PTPRD: variants seen among roughly 807,000 people sequenced by gnomAD.
The protein encoded by PTPRD is receptor-type tyrosine-protein phosphatase delta.
PTPRD carries 34 observed loss-of-function variants against 214.5 expected under a neutral mutation model. The observed-to-expected ratio is 0.16, with a 90% CI of 0.12 to 0.21. The LOEUF (loss-of-function observed/expected upper bound fraction) is 0.21. Among genes scored for constraint, PTPRD ranks in the 10% least tolerant of loss-of-function variants. The probability of loss-of-function intolerance (pLI) is 1.00; values close to 1 mark genes in which losing one functional copy is unlikely to be tolerated. For synonymous variants in PTPRD, 1,128 were observed against 845.7 expected (o/e 1.33, Z -5.79); for missense variants, 2,545 against 2,398.7 (o/e 1.06, Z -1.27).
At chr9:10,157,529 G>T (rs1383970912) in intron 3 of PTPRD, among the ~76,000 whole-genome samples, 3 of 152,094 alleles carry the variant, frequency 2.0e-5, no homozygotes, top group African/African-American at 7.2e-5. Context: ...TCCCTTTGTA[G>T]GTAACTGGAC....
At chr9:9,577,130 G>T (rs556942159) in intron 7 of PTPRD, among the ~76,000 whole-genome samples, 1 of 152,074 alleles carries the variant, frequency 6.6e-6, no homozygotes, top group Admixed American at 6.6e-5. Flanking sequence ...TTGACTAGTT[G>T]GTCTTCCAAG....
intron 8 of PTPRD, among the ~76,000 whole-genome samples, chr9:9,521,345 G>A (rs1027266972): frequency 6.6e-5 from 10 of 152,054 alleles, no homozygotes; most frequent in African/African-American, 2.4e-4. Context: ...CTGCTACTTA[G>A]TAAACACTTA....
At chr9:9,607,197 T>TG (rs1023791222) in intron 7 of PTPRD, among the ~76,000 whole-genome samples, 21 of 152,030 alleles carry the variant, frequency 1.4e-4, no homozygotes, top group Non-Finnish European at 2.9e-4. Flanking sequence ...AACATAATTT[T>TG]GATGACTTAG....
intron 9 of PTPRD, among the ~76,000 whole-genome samples, chr9:9,383,638 C>T (rs2062979957): frequency 6.6e-6 from 1 of 152,174 alleles, no homozygotes; most frequent in South Asian, 2.1e-4. Context: ...TATATCTATG[C>T]TTACATTTAT....
intron 8 of PTPRD, among the ~76,000 whole-genome samples, chr9:9,497,249 T>C (rs190600776): frequency 6.6e-6 from 1 of 152,324 alleles, no homozygotes; most frequent in African/African-American, 2.4e-5. Flanking sequence ...ATAGTAACTT[T>C]TATGTCACGT....
At chr9:9,135,190 A>C (rs1296606983) in intron 10 of PTPRD, among the ~76,000 whole-genome samples, 2 of 152,156 alleles carry the variant, frequency 1.3e-5, no homozygotes, top group Non-Finnish European at 2.9e-5. Flanking sequence ...CTGAGAGAGG[A>C]CTCATGTCTT....
chr9:8,981,136 T>C (rs921761708), intron 11 of PTPRD, among the ~76,000 whole-genome samples: 1 of 152,046 alleles, frequency 6.6e-6, no homozygotes, highest in African/African-American at 2.4e-5. Flanking sequence ...AATATTGGGG[T>C]TATTTGTCAC....
chr9:8,809,916 T>A (rs1207466359), intron 11 of PTPRD, among the ~76,000 whole-genome samples: 1 of 152,190 alleles, frequency 6.6e-6, no homozygotes, highest in Non-Finnish European at 1.5e-5. Context: ...CATCAACAGA[T>A]GTCATAAGAG....
In PTPRD at chr9:9,226,151, T is replaced by C. The variant is rs569330717; in HGVS notation, c.-202-42788A>G. Among the ~76,000 whole-genome samples, 3 of 151,900 alleles carry C rather than the reference T, an allele frequency of 2.0e-5. No homozygotes were observed. The South Asian group carries it at 6.2e-4, about 32-fold the overall frequency. On this transcript the variant is annotated intron_variant, in intron 9 of 45. Coordinates refer to ENST00000381196, the MANE Select transcript of PTPRD (RefSeq NM_002839.4). ...GCTGCTTTATATGAGATAGGTAAAGTGGGGGAAGAATAGTGGTCATTTTAG... is the reference window on the plus strand; with the variant it reads ...GCTGCTTTATATGAGATAGGTAAAGCGGGGGAAGAATAGTGGTCATTTTAG...
At chr9:10,317,798 A>G (rs1022003673) in intron 3 of PTPRD, among the ~76,000 whole-genome samples, 2 of 152,042 alleles carry the variant, frequency 1.3e-5, no homozygotes, top group African/African-American at 2.4e-5. Flanking sequence ...CTGGCCATGT[A>G]TAACGTCTGA....
At chr9:9,539,736 T>C (rs551303480) in intron 8 of PTPRD, among the ~76,000 whole-genome samples, 30 of 152,024 alleles carry the variant, frequency 2.0e-4, no homozygotes, top group African/African-American at 7.2e-4. Flanking sequence ...TAAACTCTTT[T>C]AGGATGTTAG....
intron 5 of PTPRD, among the ~76,000 whole-genome samples, chr9:9,791,660 T>G (rs1293636895): frequency 6.6e-6 from 1 of 152,168 alleles, no homozygotes; most frequent in Non-Finnish European, 1.5e-5. Flanking sequence ...AATCCATTTT[T>G]GTTTCTTTGT....
intron 11 of PTPRD, among the ~76,000 whole-genome samples, chr9:8,974,762 G>C (rs904017517): frequency 6.6e-6 from 1 of 151,874 alleles, no homozygotes; most frequent in Non-Finnish European, 1.5e-5. Context: ...GTATATAATA[G>C]TATATACCAC....
At chr9:9,934,689 C>A (rs1165351041) in intron 5 of PTPRD, among the ~76,000 whole-genome samples, 3 of 150,766 alleles carry the variant, frequency 2.0e-5, no homozygotes, top group East Asian at 2.0e-4. Context: ...CTATTCCAAT[C>A]AACAGAAAAA....
chr9:9,421,470 G>C (rs2078781589), intron 8 of PTPRD, among the ~76,000 whole-genome samples: 1 of 152,012 alleles, frequency 6.6e-6, no homozygotes, highest in Non-Finnish European at 1.5e-5. Context: ...GATTTGAATT[G>C]CTTGAAATGT....
intron 2 of PTPRD, among the ~76,000 whole-genome samples, chr9:10,589,714 A>G (rs1307093980): frequency 6.6e-6 from 1 of 152,046 alleles, no homozygotes; most frequent in Non-Finnish European, 1.5e-5. Flanking sequence ...GGCATCTATG[A>G]GATATCAGAT....
At chr9:8,839,932 A>T (rs13286146) in intron 11 of PTPRD, among the ~76,000 whole-genome samples, 15 of 152,224 alleles carry the variant, frequency 9.9e-5, no homozygotes, top group African/African-American at 3.6e-4. Context: ...TAGCAAATTC[A>T]CCATACAGTA....
intron 3 of PTPRD, among the ~76,000 whole-genome samples, chr9:10,304,201 CA>C (rs1214666765): frequency 1.3e-5 from 2 of 152,060 alleles, no homozygotes; most frequent in Non-Finnish European, 2.9e-5. Flanking sequence ...AGGCTTCCAA[CA>C]AAATTCAACA....
At chr9:8,397,033 C>G (rs1302805376) in intron 36 of PTPRD, among the ~76,000 whole-genome samples, 2 of 152,036 alleles carry the variant, frequency 1.3e-5, no homozygotes, top group African/African-American at 4.8e-5. Context: ...CTGCAGAAAC[C>G]ATGTTATCAG....
Sources: allele counts gnomAD v4.1 joint callset (sites outside exome capture counted in the v4.1 genomes callset), GRCh38; gene constraint gnomAD v4.1.1; transcripts MANE v1.5; gene names NCBI Gene and HGNC (gene_info 2026-07-23, HGNC 2026-07-21).